KCNJ15: variants seen among roughly 807,000 people sequenced by gnomAD.
KCNJ15 encodes potassium inwardly rectifying channel subfamily J member 15, also known as ATP-sensitive inward rectifier potassium channel 15.
Under a neutral mutation model 23.0 loss-of-function variants are expected in KCNJ15, and 14 were observed. That is an observed-to-expected ratio of 0.61 (90% CI 0.40 to 0.95). The LOEUF is 0.95. Ranked by LOEUF, KCNJ15 falls within the 40% of genes least tolerant of loss-of-function variation. KCNJ15 has a pLI of 0.00. For missense variants in KCNJ15, 388 were observed against 461.8 expected, an observed-to-expected ratio of 0.84 and a Z score of 1.46; for synonymous variants, 185 against 183.2, an observed-to-expected ratio of 1.01 and a Z score of -0.08.
At chr21:38,298,410 TA>T (rs1242123079) in intron 2 of KCNJ15, 1 of 152,250 alleles carries the variant, frequency 6.6e-6, no homozygotes, top group Non-Finnish European at 1.5e-5. Flanking sequence ...GTGCCATACC[TA>T]AATATCACGT....
upstream of KCNJ15, among the ~76,000 whole-genome samples, chr21:38,253,087 C>T (rs531434677): frequency 2.0e-5 from 3 of 152,292 alleles, no homozygotes; most frequent in Non-Finnish European, 4.4e-5. Flanking sequence ...ATGCTATTTT[C>T]ACTCCAGAAC....
chr21:38,292,400 C>A (rs1984696094), intron 1 of KCNJ15, among the ~76,000 whole-genome samples: 2 of 152,098 alleles, frequency 1.3e-5, no homozygotes, highest in Admixed American at 6.5e-5. Flanking sequence ...GATTACAGAT[C>A]CTGAGGCCAC....
intron 1 of KCNJ15, among the ~76,000 whole-genome samples, chr21:38,264,919 A>T (rs1187843842): frequency 6.6e-6 from 1 of 152,262 alleles, no homozygotes; most frequent in Admixed American, 6.5e-5. Flanking sequence ...ACTTGAAATA[A>T]AACAGAAAAG....
At position 38,288,038 on chromosome 21, in the gene KCNJ15, T is replaced by C. The variant is rs1320826790; in HGVS notation, c.-116-8888T>C. Among the ~76,000 whole-genome samples the C allele has an allele frequency of 5.8e-3, 461 of 79,546 alleles. 19 individuals carry two copies. The highest frequency in any genetic ancestry group is 0.019 in the African/African-American group (431 of 22,590). 52.2% of individuals were successfully genotyped at this position (79,546 alleles called of 152,430 possible). A position where few individuals can be genotyped will look rare whatever the true frequency, so the allele number is the denominator to read the frequency against. ...AACTTGTTTTTTTCTTTGTTTTTTT[T>C]TTTTTTTTTTTTTTTTTTTTGAGAT... On this transcript the variant is annotated intron_variant, in intron 1 of 2. Coordinates refer to ENST00000398938, the MANE Select transcript of KCNJ15 (RefSeq NM_170736.3).
At chr21:38,268,857 C>T (rs1196838671) in intron 1 of KCNJ15, 1 of 152,296 alleles carries the variant, frequency 6.6e-6, no homozygotes, top group Non-Finnish European at 1.5e-5. Context: ...TCCAGGATGC[C>T]ACCCTCCCAC....
At chr21:38,253,210 G>A (rs1379897479), upstream of KCNJ15, among the ~76,000 whole-genome samples, 1 of 152,176 alleles carries the variant, frequency 6.6e-6, no homozygotes, top group Non-Finnish European at 1.5e-5. Context: ...CCTCCTGGGA[G>A]TACTACTTTA....
chr21:38,241,944 G>A (rs1007342180), intron 1 of KCNJ15, among the ~76,000 whole-genome samples: 3 of 150,000 alleles, frequency 2.0e-5, no homozygotes, highest in Non-Finnish European at 4.4e-5. Flanking sequence ...CCTTCAGCCT[G>A]GGTGACAGAG....
At chr21:38,242,712 G>A (rs1371472944) in intron 1 of KCNJ15, among the ~76,000 whole-genome samples, 1 of 152,118 alleles carries the variant, frequency 6.6e-6, no homozygotes, top group Non-Finnish European at 1.5e-5. Context: ...TCCCCAGGAG[G>A]CTCTATCTAA....
intron 1 of KCNJ15, among the ~76,000 whole-genome samples, chr21:38,230,398 G>T (rs1410088526): frequency 2.0e-5 from 3 of 151,952 alleles, no homozygotes. Flanking sequence ...TTGTTAAGTT[G>T]TTAAAAATTC....
In KCNJ15 at chr21:38,300,533, G is replaced by T; in HGVS notation, c.*144G>T. ...ACATACAAAATCAATCTTTTCCTTT[G>T]ATCTTGTGGCTAAACCAGCATTTCT... On this transcript the variant is annotated 3_prime_UTR_variant, in exon 3 of 3. Transcript: ENST00000398938. 1 of 673,364 alleles carries T rather than the reference G, an allele frequency of 1.5e-6. No individual in the cohort carries two copies. Among genetic ancestry groups the T allele is most frequent in the South Asian group, 2.2e-5 (1 of 45,874 alleles). The allele number at this position is 673,364 out of a possible 1,614,324, so 41.7% of individuals were successfully genotyped here.
chr21:38,278,108 C>T (rs76995563), intron 1 of KCNJ15, among the ~76,000 whole-genome samples: 4,426 of 152,124 alleles, frequency 0.029, 81 homozygotes, highest in Non-Finnish European at 0.038. Flanking sequence ...AGCTCATCAC[C>T]ACAACCAATG....
intron 1 of KCNJ15, among the ~76,000 whole-genome samples, chr21:38,268,164 C>T (rs1203936019): frequency 6.6e-6 from 1 of 152,160 alleles, no homozygotes; most frequent in African/African-American, 2.4e-5. Flanking sequence ...CAAGATGTTT[C>T]AAGTTTATCC....
At chr21:38,265,955 C>G (rs554356016) in intron 1 of KCNJ15, among the ~76,000 whole-genome samples, 36 of 152,190 alleles carry the variant, frequency 2.4e-4, no homozygotes, top group Middle Eastern at 3.4e-3. Flanking sequence ...GAGAAGCCTT[C>G]AGAGCAGGAG....
chr21:38,246,696 A>G (rs1979391373), intron 1 of KCNJ15, among the ~76,000 whole-genome samples: 1 of 152,216 alleles, frequency 6.6e-6, no homozygotes, highest in African/African-American at 2.4e-5. Context: ...ATGGTAAATT[A>G]TGTTTTACAT....
Position 38,286,299 on chromosome 21 carries a change from C to A in KCNJ15, c.-116-10627C>A, listed in dbSNP as rs192708133. Among the ~76,000 whole-genome samples, 650 of 152,228 alleles carry A rather than the reference C, an allele frequency of 4.3e-3. 5 individuals are homozygous for A. Among genetic ancestry groups the A allele is most frequent in the African/African-American group, 0.015 (605 of 41,544 alleles). ...CAAACAAAAATCCACCTTCCTACTT[C>A]CGAGAAGTGCTACAGTAAGGCTATG... On this transcript the variant is annotated intron_variant, in intron 1 of 2. Coordinates refer to ENST00000398938, the MANE Select transcript of KCNJ15 (RefSeq NM_170736.3).
chr21:38,292,160 A>G (rs772442792), intron 1 of KCNJ15, among the ~76,000 whole-genome samples: 1 of 152,212 alleles, frequency 6.6e-6, no homozygotes, highest in Non-Finnish European at 1.5e-5. Context: ...CAGGTGCTCC[A>G]TGTATTAGCT....
At chr21:38,232,291 T>C (rs1978331610) in intron 1 of KCNJ15, among the ~76,000 whole-genome samples, 1 of 151,898 alleles carries the variant, frequency 6.6e-6, no homozygotes, top group Non-Finnish European at 1.5e-5. Context: ...TTAGTAATAA[T>C]ATTCCCTCTT....
intron 1 of KCNJ15, among the ~76,000 whole-genome samples, chr21:38,280,965 G>A (rs112263882): frequency 0.016 from 2,512 of 152,264 alleles, 91 homozygotes; most frequent in African/African-American, 0.058. Flanking sequence ...GTTCAGTACC[G>A]TGTTGTCCAG....
intron 1 of KCNJ15, among the ~76,000 whole-genome samples, chr21:38,265,951 C>A (rs1477847049): frequency 5.3e-5 from 8 of 152,090 alleles, no homozygotes. Context: ...CGGGGAGAAG[C>A]CTTCAGAGCA....
Sources: gnomAD v4.1 joint callset for allele counts (sites outside exome capture counted in the v4.1 genomes callset) on GRCh38, gnomAD v4.1.1 for gene constraint, MANE v1.5 for transcripts, NCBI Gene and HGNC (gene_info 2026-07-23, HGNC 2026-07-21) for gene names.